Variants in CPNE9 observed in about 807,000 individuals in gnomAD.
CPNE9 encodes the protein copine-9.
Under a neutral mutation model 83.0 loss-of-function variants are expected in CPNE9, and 59 were observed. The ratio of observed to expected loss-of-function variants is 0.71; its 90% CI spans 0.58 to 0.88. The LOEUF (loss-of-function observed/expected upper bound fraction) is 0.88. Ranked by LOEUF, CPNE9 falls within the 40% of genes least tolerant of loss-of-function variation. The pLI, the probability that CPNE9 is intolerant of heterozygous loss-of-function variation, is 0.00. For synonymous variants in CPNE9, 256 were observed against 273.4 expected, an observed-to-expected ratio of 0.94 and a Z score of 0.63; for missense variants, 619 against 720.8, an observed-to-expected ratio of 0.86 and a Z score of 1.62.
chr3:9,719,656 A>T (rs2076717449), intron 17 of CPNE9, among the ~76,000 whole-genome samples: 1 of 152,162 alleles, frequency 6.6e-6, no homozygotes, highest in African/African-American at 2.4e-5. Flanking sequence ...ATAAATGATA[A>T]GTTAAAAACT....
chr3:9,715,084 C>A, intron 11 of CPNE9, 129 bp downstream of exon 11: 1 of 945,474 alleles, frequency 1.1e-6, no homozygotes, highest in Non-Finnish European at 1.6e-6. Context: ...ACACCAGTGT[C>A]TTGGGTACAA....
At chr3:9,722,614 G>T (rs980695506) in intron 17 of CPNE9, among the ~76,000 whole-genome samples, 9 of 151,882 alleles carry the variant, frequency 5.9e-5, no homozygotes. Flanking sequence ...GGGCTCAAGC[G>T]ATCCTCCCTC....
intron 19 of CPNE9, 29 bp downstream of exon 19, chr3:9,726,751 G>C (rs2076788402): frequency 1.9e-6 from 3 of 1,604,602 alleles, no homozygotes; most frequent in Non-Finnish European, 2.6e-6. Flanking sequence ...CCCTGAGTGG[G>C]ACTAAGAACT....
intron 8 of CPNE9, 26 bp downstream of exon 8, chr3:9,712,630 C>T (rs1485635763): frequency 1.2e-6 from 2 of 1,611,580 alleles, no homozygotes; most frequent in Non-Finnish European, 8.5e-7. Flanking sequence ...ATGCTAGACC[C>T]AGGAGCTCCC....
chr3:9,705,398 G>A, intron 4 of CPNE9, 66 bp from the exon 5 acceptor site: 1 of 1,249,120 alleles, frequency 8.0e-7, no homozygotes, highest in Non-Finnish European at 1.1e-6. Flanking sequence ...AAGACTCGGT[G>A]CCCGACCCCT....
intron 12 of CPNE9, 34 bp downstream of exon 12, chr3:9,715,398 C>T (rs1403498486): frequency 6.2e-7 from 1 of 1,612,886 alleles, no homozygotes; most frequent in South Asian, 1.1e-5. Flanking sequence ...GTCACCCAGG[C>T]CCTCCATCCC....
rs766048705 is a variant in CPNE9, at chr3:9,706,080, G to A, written c.377+17G>A. The A allele has an allele frequency of 5.6e-6, 9 of 1,612,196 alleles. No individual in the cohort carries two copies. The highest frequency in any genetic ancestry group is 1.1e-5 in the South Asian group (1 of 91,048). The stretch of plus-strand genomic sequence containing the variant: ...AACCCTCACGTAAGCTGAATAGGAA[G>A]GGGTGTGGGAGTGGGGTGGGGGCTT... On this transcript the variant is annotated intron_variant, in intron 7 of 20. Coordinates refer to ENST00000383832, the MANE Select transcript of CPNE9 (RefSeq NM_153635.3).
In CPNE9 at chr3:9,704,107, C is replaced by T. The variant is rs1339514405; in HGVS notation, c.68+43C>T. On this transcript the variant is annotated intron_variant, in intron 1 of 20. Coordinates refer to ENST00000383832, the MANE Select transcript of CPNE9 (RefSeq NM_153635.3). This position sits in a 1 kb window ranked among gnomAD's most constrained non-coding sequence, Gnocchi z 7.1. ...GGGAGGGCTTAGGCACTGGCACTGC[C>T]CCAGCCCCAGCCAGCCGCGGGGCTC... 1 of 1,561,002 alleles carries T rather than the reference C, an allele frequency of 6.4e-7. No homozygotes were observed. Among genetic ancestry groups the T allele is most frequent in the South Asian group, 1.2e-5 (1 of 86,714 alleles).
chr3:9,724,457 A>C (rs2076759706), intron 17 of CPNE9, among the ~76,000 whole-genome samples: 1 of 152,156 alleles, frequency 6.6e-6, no homozygotes, highest in Non-Finnish European at 1.5e-5. Flanking sequence ...GCTCTCGCTC[A>C]TATATAAACA....
In CPNE9 at chr3:9,726,051, CG is replaced by C; in HGVS notation, c.1344+1del. 2 of 1,589,730 alleles carry C rather than the reference CG, an allele frequency of 1.3e-6. No individual in the cohort carries two copies. The highest frequency in any genetic ancestry group is 1.7e-6 in the Non-Finnish European group (2 of 1,164,824). On this transcript the variant is annotated splice_donor_variant, in intron 18 of 20. Coordinates refer to ENST00000383832, the MANE Select transcript of CPNE9 (RefSeq NM_153635.3). LOFTEE classifies it high-confidence loss of function. ...CGCAGACCAAGGAGGCCATCGTCAGCGTGAGTCTGAGGAGGAGGGCTTGGCA... is the reference window on the plus strand; with the variant it reads ...CGCAGACCAAGGAGGCCATCGTCAGCTGAGTCTGAGGAGGAGGGCTTGGCA...
At chr3:9,715,660 G>T in intron 13 of CPNE9, 134 bp downstream of exon 13, 1 of 753,176 alleles carries the variant, frequency 1.3e-6, no homozygotes, top group South Asian at 1.7e-5. Flanking sequence ...TGGGCACAAG[G>T]AGCACCACTT....
intron 20 of CPNE9, among the ~76,000 whole-genome samples, chr3:9,728,052 T>C (rs1308814733): frequency 1.3e-5 from 2 of 152,296 alleles, no homozygotes; most frequent in African/African-American, 4.8e-5. Context: ...TCCCATTTGC[T>C]GGGAAGGGGA....
chr3:9,715,846 CTGGGGGAG>C lies in CPNE9; in HGVS notation c.823-127_823-120del, dbSNP rs2125468393. 4 of 756,018 alleles carry C rather than the reference CTGGGGGAG, an allele frequency of 5.3e-6. No homozygotes were observed. In the East Asian group the frequency reaches 1.1e-4, roughly 20 times the overall value. 46.8% of individuals were successfully genotyped at this position (756,018 alleles called of 1,614,324 possible). On this transcript the variant is annotated intron_variant, in intron 13 of 20. Coordinates refer to ENST00000383832, the MANE Select transcript of CPNE9 (RefSeq NM_153635.3). ...CAGAAGTTGAACAGGGTGGGACTGA[CTGGGGGAG>C]CGGGTGGAATCATGTGCCTCCCATC...
chr3:9,707,352 C>CAAAAAAAAAA, intron 7 of CPNE9, among the ~76,000 whole-genome samples: 1 of 50,974 alleles, frequency 2.0e-5, no homozygotes, highest in Non-Finnish European at 3.5e-5. Context: ...GATTCTGTCT[C>CAAAAAAAAAA]AAAAAAAAAA....
chr3:9,718,196 C>G lies in CPNE9; in HGVS notation c.1099C>G (p.His367Asp), dbSNP rs774595903. ...GCTGCCCCCAGAGGGACGGATCTCC[C>G]ACCAGTTCCCCCTGGTATGGTATTG... is the stretch of plus-strand genomic sequence containing the variant. Reference protein sequence around the residue: ...AKLPPEGRISHQFPLNNNDED... With the variant: ...AKLPPEGRISDQFPLNNNDED... The change falls in exon 16 of 21, where the codon CAC (histidine) becomes GAC (aspartate). Residue 367 changes from histidine (H) to aspartate (D), a missense_variant. This residue lies in a region of CPNE9 where 438 missense variants were observed against 562.9 expected (regional missense o/e 0.78). Transcript: ENST00000383832. 1.2e-6 allele frequency: 2 copies of G among 1,611,704 alleles called. No individual in the cohort carries two copies. The highest frequency in any genetic ancestry group is 3.3e-5 in the Admixed American group (2 of 59,802).
intron 18 of CPNE9, 93 bp downstream of exon 18, chr3:9,726,144 C>A: frequency 2.7e-6 from 2 of 753,812 alleles, no homozygotes; most frequent in Non-Finnish European, 4.2e-6. Flanking sequence ...AACAAGTTAG[C>A]CTGCCAGTTT....
chr3:9,723,056 G>C (rs1318406205), intron 17 of CPNE9, among the ~76,000 whole-genome samples: 1 of 152,194 alleles, frequency 6.6e-6, no homozygotes, highest in African/African-American at 2.4e-5. Flanking sequence ...ACCCAGCGTG[G>C]TGCCTGATAC....
intron 10 of CPNE9, among the ~76,000 whole-genome samples, chr3:9,713,388 G>A (rs2076648832): frequency 6.6e-6 from 1 of 152,178 alleles, no homozygotes; most frequent in African/African-American, 2.4e-5. Context: ...GTGAATGGTT[G>A]GATATGTATG....
At position 9,704,831 on chromosome 3, in the gene CPNE9, G is replaced by A; in HGVS notation, c.156+36G>A. The A allele has an allele frequency of 1.3e-6, 2 of 1,599,940 alleles. No homozygotes were observed. The highest frequency in any genetic ancestry group is 1.7e-6 in the Non-Finnish European group (2 of 1,172,912). ...GAGCCCCCTCCCGGCCCAGGGCGTC[G>A]CCCGGGAATTCCCCTGCCCGTCTGC... On this transcript the variant is annotated intron_variant, in intron 3 of 20. Coordinates refer to ENST00000383832, the MANE Select transcript of CPNE9 (RefSeq NM_153635.3). This position sits in a 1 kb window ranked among gnomAD's most constrained non-coding sequence, Gnocchi z 7.1.
Sources: gnomAD v4.1 joint callset for allele counts (sites outside exome capture counted in the v4.1 genomes callset) on GRCh38, gnomAD v4.1.1 for gene constraint, gnomAD v4.1.1 regional missense constraint, Gnocchi (gnomAD v3.1) non-coding constraint, MANE v1.5 for transcripts, NCBI Gene and HGNC (gene_info 2026-07-23, HGNC 2026-07-21) for gene names.